WWOX: variants seen among roughly 807,000 people sequenced by gnomAD.
The protein encoded by WWOX is WW domain-containing oxidoreductase.
A neutral mutation model predicts 46.2 loss-of-function variants in WWOX; 69 were observed. The ratio of observed to expected loss-of-function variants is 1.49; its 90% CI spans 1.23 to 1.82. The LOEUF (loss-of-function observed/expected upper bound fraction) is 1.82. Among genes scored for constraint, WWOX ranks in the 40% most tolerant of loss-of-function variants. The pLI is 0.00. For missense variants in WWOX, 919 were observed against 542.6 expected, an observed-to-expected ratio of 1.69 and a Z score of -6.89; for synonymous variants, 359 against 202.6, an observed-to-expected ratio of 1.77 and a Z score of -6.56.
At chr16:78,194,080 G>A (rs2035971064) in intron 5 of WWOX, among the ~76,000 whole-genome samples, 1 of 151,236 alleles carries the variant, frequency 6.6e-6, no homozygotes, top group South Asian at 2.1e-4. Flanking sequence ...GGGTTTCACT[G>A]AAGTAGCCGG....
intron 8 of WWOX, among the ~76,000 whole-genome samples, chr16:79,135,070 C>T (rs1392176776): frequency 2.0e-5 from 3 of 152,176 alleles, no homozygotes; most frequent in Non-Finnish European, 2.9e-5. Context: ...ACAAATAATA[C>T]ATAAACATTG....
intron 8 of WWOX, among the ~76,000 whole-genome samples, chr16:78,867,084 G>A (rs1462386238): frequency 6.6e-6 from 1 of 152,202 alleles, no homozygotes; most frequent in Admixed American, 6.5e-5. Context: ...TTGGAGAAGG[G>A]CGCCTTCTGT....
chr16:78,989,548 G>C (rs888905362), intron 8 of WWOX, among the ~76,000 whole-genome samples: 4 of 152,246 alleles, frequency 2.6e-5, no homozygotes, highest in African/African-American at 4.8e-5. Flanking sequence ...GTGTGGTTCA[G>C]CTCTCAAAAA....
At chr16:78,928,323 C>T (rs1343101028) in intron 8 of WWOX, among the ~76,000 whole-genome samples, 1 of 151,464 alleles carries the variant, frequency 6.6e-6, no homozygotes, top group African/African-American at 2.4e-5. Context: ...CTGCCTCAGC[C>T]TCCCGAGTAG....
chr16:78,551,509 G>A (rs1411925942), intron 8 of WWOX: 1 of 152,204 alleles, frequency 6.6e-6, no homozygotes, highest in South Asian at 2.1e-4. Context: ...GGGCTAAGGT[G>A]TTCTGTTCCT....
chr16:78,814,986 G>T (rs1374177090), intron 8 of WWOX, among the ~76,000 whole-genome samples: 1 of 152,104 alleles, frequency 6.6e-6, no homozygotes, highest in African/African-American at 2.4e-5. Flanking sequence ...TTAATTTTCA[G>T]GCTTGCTCCC....
intron 8 of WWOX, among the ~76,000 whole-genome samples, chr16:78,716,031 A>G (rs913684299): frequency 6.6e-6 from 1 of 152,040 alleles, no homozygotes; most frequent in African/African-American, 2.4e-5. Context: ...GCATTCTGAT[A>G]ATCATTATCA....
intron 8 of WWOX, among the ~76,000 whole-genome samples, chr16:78,440,505 G>C (rs752996183): frequency 1.3e-5 from 2 of 152,152 alleles, no homozygotes; most frequent in Non-Finnish European, 2.9e-5. Context: ...AATACTGCCT[G>C]ACTCGTAGTA....
chr16:79,032,405 G>C (rs974831813), intron 8 of WWOX, among the ~76,000 whole-genome samples: 2 of 145,016 alleles, frequency 1.4e-5, no homozygotes, highest in Admixed American at 1.4e-4. Flanking sequence ...TAATATGTAG[G>C]GAATATGTTA....
At chr16:78,856,417 T>TG (rs2052568063) in intron 8 of WWOX, among the ~76,000 whole-genome samples, 1 of 151,734 alleles carries the variant, frequency 6.6e-6, no homozygotes, top group Non-Finnish European at 1.5e-5. Context: ...CTGAGGCGGG[T>TG]GGATAGCTTG....
At chr16:78,293,480 T>C (rs191456974) in intron 5 of WWOX, among the ~76,000 whole-genome samples, 13 of 152,292 alleles carry the variant, frequency 8.5e-5, no homozygotes, top group East Asian at 1.9e-4. Flanking sequence ...GTCGTCCCTC[T>C]TTCTTACGGT....
At chr16:79,190,184 C>T (rs933890324) in intron 8 of WWOX, among the ~76,000 whole-genome samples, 4 of 152,044 alleles carry the variant, frequency 2.6e-5, no homozygotes, top group Admixed American at 6.5e-5. Context: ...AACACCACGC[C>T]TGGCTAACTT....
intron 8 of WWOX, among the ~76,000 whole-genome samples, chr16:78,513,082 G>T (rs993330599): frequency 6.6e-6 from 1 of 152,172 alleles, no homozygotes; most frequent in South Asian, 2.1e-4. Flanking sequence ...TAATGAACAT[G>T]TGCCTTTGGA....
At chr16:78,324,381 G>A (rs147627482) in intron 5 of WWOX, among the ~76,000 whole-genome samples, 2 of 152,016 alleles carry the variant, frequency 1.3e-5, no homozygotes, top group East Asian at 1.9e-4. Flanking sequence ...GAAAACAGTC[G>A]GCGGTTCCTC....
At chr16:78,452,237 C>A (rs369806363) in intron 8 of WWOX, among the ~76,000 whole-genome samples, 1 of 152,124 alleles carries the variant, frequency 6.6e-6, no homozygotes, top group African/African-American at 2.4e-5. Flanking sequence ...AAAGAGATTG[C>A]GTAACACCCT....
At chr16:78,995,823 C>A (rs1314457487) in intron 8 of WWOX, among the ~76,000 whole-genome samples, 3 of 152,100 alleles carry the variant, frequency 2.0e-5, no homozygotes, top group African/African-American at 7.2e-5. Context: ...GTAAAGGAGA[C>A]CCGAGGTGGC....
intron 8 of WWOX, among the ~76,000 whole-genome samples, chr16:78,831,483 C>T (rs959558676): frequency 6.6e-6 from 1 of 152,168 alleles, no homozygotes; most frequent in African/African-American, 2.4e-5. Context: ...TATCCTGTGG[C>T]TTTGAGTATA....
intron 5 of WWOX, chr16:78,278,821 G>C: frequency 1.5e-6 from 1 of 684,932 alleles, no homozygotes. Context: ...ACCTTTATCA[G>C]TTTGCAGTTA....
chr16:78,223,606 G>A (rs1185179718), intron 5 of WWOX, among the ~76,000 whole-genome samples: 6 of 152,144 alleles, frequency 3.9e-5, no homozygotes, highest in East Asian at 1.9e-4. Flanking sequence ...AGTGCTCAGC[G>A]TCCCTGGGCG....
Sources: gnomAD v4.1 joint callset for allele counts (sites outside exome capture counted in the v4.1 genomes callset) on GRCh38, gnomAD v4.1.1 for gene constraint, MANE v1.5 for transcripts, NCBI Gene and HGNC (gene_info 2026-07-23, HGNC 2026-07-21) for gene names.